The following FGGY variants were observed in gnomAD, a reference collection of about 807,000 sequenced individuals.
FGGY encodes FGGY carbohydrate kinase domain-containing protein.
FGGY carries 72 observed loss-of-function variants against 71.3 expected under a neutral mutation model. The ratio of observed to expected loss-of-function variants is 1.01; its 90% CI spans 0.84 to 1.23. FGGY has a LOEUF of 1.23. FGGY is among the 50% of genes most tolerant of loss of function. The pLI is 0.00. For missense variants in FGGY, 668 were observed against 682.3 expected (o/e 0.98, Z 0.23); for synonymous variants, 251 against 250.3 (o/e 1.00, Z -0.02).
intron 15 of FGGY, among the ~76,000 whole-genome samples, chr1:59,760,841 A>G (rs547742099): frequency 6.6e-6 from 1 of 152,334 alleles, no homozygotes. Flanking sequence ...GAGATTCTAA[A>G]GTCAAGAAAT....
At chr1:59,480,391 A>C (rs1006148094) in intron 6 of FGGY, among the ~76,000 whole-genome samples, 3 of 152,136 alleles carry the variant, frequency 2.0e-5, no homozygotes, top group Non-Finnish European at 2.9e-5. Flanking sequence ...TATCGAGTCC[A>C]TGTTCCAGGA....
Position 59,601,206 on chromosome 1 carries a change from G to A in FGGY, c.904-6597G>A, listed in dbSNP as rs538347728. ...CCTGTTCCCTCCCAGGACGACTGGCGCCTGGAGCCTGCCTTTTGCCCCTGC... is the reference window on the plus strand; with the variant it reads ...CCTGTTCCCTCCCAGGACGACTGGCACCTGGAGCCTGCCTTTTGCCCCTGC... On this transcript the variant is annotated intron_variant, in intron 8 of 15. Transcript: ENST00000303721. 6.9e-4 allele frequency among the ~76,000 whole-genome samples: 105 copies of A among 152,218 alleles called. 2 individuals carry two copies. The highest frequency in any genetic ancestry group is 5.4e-3 in the Admixed American group (82 of 15,296).
At chr1:59,556,045 G>A (rs951098249) in intron 8 of FGGY, among the ~76,000 whole-genome samples, 1 of 152,184 alleles carries the variant, frequency 6.6e-6, no homozygotes, top group Non-Finnish European at 1.5e-5. Context: ...CTGCTCAGCA[G>A]CCCTTTTGTA....
intron 6 of FGGY, among the ~76,000 whole-genome samples, chr1:59,476,110 C>T (rs1446411351): frequency 6.6e-6 from 1 of 152,144 alleles, no homozygotes; most frequent in Non-Finnish European, 1.5e-5. Flanking sequence ...CTGGCATGGC[C>T]CTTCTCAAAA....
intron 5 of FGGY, among the ~76,000 whole-genome samples, chr1:59,396,546 G>A (rs1557790057): frequency 6.6e-6 from 1 of 152,122 alleles, no homozygotes; most frequent in Non-Finnish European, 1.5e-5. Flanking sequence ...AGGGGAAGTA[G>A]CAGAATCAGT....
intron 9 of FGGY, among the ~76,000 whole-genome samples, chr1:59,623,839 G>C (rs1393071711): frequency 2.0e-5 from 3 of 152,134 alleles, no homozygotes; most frequent in African/African-American, 4.8e-5. Context: ...TAGGCATTTA[G>C]TAAATACTAA....
intron 7 of FGGY, among the ~76,000 whole-genome samples, chr1:59,524,296 C>T (rs969413214): frequency 6.6e-6 from 1 of 152,104 alleles, no homozygotes. Context: ...CAGCTCGGCT[C>T]AGGCCTGCAG....
intron 14 of FGGY, among the ~76,000 whole-genome samples, chr1:59,681,804 ATG>A (rs777433958): frequency 1.2e-5 from 1 of 83,490 alleles, no homozygotes; most frequent in East Asian, 4.4e-4. Context: ...ACACACACAC[ATG>A]CACACACACA....
At chr1:59,348,198 G>T (rs1287325882) in intron 4 of FGGY, among the ~76,000 whole-genome samples, 1 of 152,202 alleles carries the variant, frequency 6.6e-6, no homozygotes, top group Non-Finnish European at 1.5e-5. Flanking sequence ...GTTCAGAGAG[G>T]TTAATTACCG....
At chr1:59,371,100 A>G (rs992934267) in intron 4 of FGGY, among the ~76,000 whole-genome samples, 3 of 152,220 alleles carry the variant, frequency 2.0e-5, no homozygotes, top group Non-Finnish European at 4.4e-5. Flanking sequence ...CAATTAAAAG[A>G]CACAGACTGG....
intron 5 of FGGY, among the ~76,000 whole-genome samples, chr1:59,400,066 G>A (rs186827597): frequency 1.3e-5 from 2 of 152,326 alleles, no homozygotes; most frequent in African/African-American, 2.4e-5. Flanking sequence ...GGTGGAGTCA[G>A]CATTATATAT....
At chr1:59,580,274 G>C (rs926013564) in intron 8 of FGGY, among the ~76,000 whole-genome samples, 3 of 152,126 alleles carry the variant, frequency 2.0e-5, no homozygotes. Context: ...CCCCTTCAAA[G>C]TGCCTTGCAT....
chr1:59,487,794 C>G (rs553550529), intron 6 of FGGY, among the ~76,000 whole-genome samples: 2 of 152,236 alleles, frequency 1.3e-5, no homozygotes, highest in African/African-American at 4.8e-5. Flanking sequence ...TCTCACCGCT[C>G]CCACTCCCAC....
At position 59,356,048 on chromosome 1, in the gene FGGY, T is replaced by C. The variant is rs201749563; in HGVS notation, c.465+9650T>C. 3.3e-5 allele frequency among the ~76,000 whole-genome samples: 5 copies of C among 152,180 alleles called. No individual in the cohort carries two copies. The East Asian group carries it at 9.6e-4, about 29-fold the overall frequency. ...GAACTTGGCAATACAGGGTCCACAC[T>C]TCCATGCAGAAGGGAACGGCTGGAG... On this transcript the variant is annotated intron_variant, in intron 4 of 15. Coordinates refer to ENST00000303721, the MANE Select transcript of FGGY (RefSeq NM_018291.5).
intron 5 of FGGY, among the ~76,000 whole-genome samples, chr1:59,386,868 C>T (rs1002139192): frequency 2.0e-5 from 3 of 152,016 alleles, no homozygotes; most frequent in Admixed American, 6.6e-5. Flanking sequence ...TTTATTATTT[C>T]TTATATTTCT....
rs145973270 is a variant in FGGY at position 59,717,667 on chromosome 1, C to G, written c.1513-40264C>G. Among the ~76,000 whole-genome samples, 1,050 of 152,228 alleles carry G rather than the reference C, an allele frequency of 6.9e-3. 10 individuals are homozygous for G. The highest frequency in any genetic ancestry group is 9.2e-3 in the Non-Finnish European group (623 of 68,026). ...GACCAGCACTGCTTAAGTCTTACCA[C>G]TTAGTCATAGTTGAGGGACATAAGA... On this transcript the variant is annotated intron_variant, in intron 14 of 15. Coordinates refer to ENST00000303721, the MANE Select transcript of FGGY (RefSeq NM_018291.5).
intron 7 of FGGY, among the ~76,000 whole-genome samples, chr1:59,514,979 A>G (rs915872906): frequency 1.2e-4 from 18 of 152,230 alleles, no homozygotes; most frequent in African/African-American, 4.3e-4. Context: ...ACTGGGTAAC[A>G]AGCTCATAGA....
At chr1:59,686,801 C>A (rs763916224) in intron 14 of FGGY, among the ~76,000 whole-genome samples, 7 of 152,156 alleles carry the variant, frequency 4.6e-5, no homozygotes, top group Non-Finnish European at 8.8e-5. Flanking sequence ...CCCTTTACCT[C>A]TCTAAGCCTG....
At chr1:59,367,571 A>G (rs1281035880) in intron 4 of FGGY, among the ~76,000 whole-genome samples, 2 of 152,300 alleles carry the variant, frequency 1.3e-5, no homozygotes, top group African/African-American at 2.4e-5. Flanking sequence ...TCCCTTTGCA[A>G]TTACACAGTA....
Sources: allele counts gnomAD v4.1 joint callset (sites outside exome capture counted in the v4.1 genomes callset), GRCh38; gene constraint gnomAD v4.1.1; transcripts MANE v1.5; gene names NCBI Gene and HGNC (gene_info 2026-07-23, HGNC 2026-07-21).